NDST3: variants seen among roughly 807,000 people sequenced by gnomAD.
NDST3 encodes the protein bifunctional heparan sulfate N-deacetylase/N-sulfotransferase 3.
Under a neutral mutation model 96.1 loss-of-function variants are expected in NDST3, and 58 were observed. The observed-to-expected ratio is 0.60, with a 90% CI of 0.49 to 0.75. The LOEUF is 0.75. Ranked by LOEUF, NDST3 falls within the 30% of genes least tolerant of loss-of-function variation. The pLI, the probability that NDST3 is intolerant of heterozygous loss-of-function variation, is 0.00. For missense variants in NDST3, 788 were observed against 1,034.2 expected, an observed-to-expected ratio of 0.76 and a Z score of 3.27; for synonymous variants, 333 against 359.7, an observed-to-expected ratio of 0.93 and a Z score of 0.84.
intron 3 of NDST3, among the ~76,000 whole-genome samples, chr4:118,113,387 A>G (rs1348105473): frequency 1.3e-5 from 2 of 152,236 alleles, no homozygotes; most frequent in African/African-American, 4.8e-5. Context: ...TCATATCAGT[A>G]GAGTACTTAA....
intron 8 of NDST3, among the ~76,000 whole-genome samples, chr4:118,230,366 G>C (rs756913831): frequency 2.0e-5 from 3 of 152,098 alleles, no homozygotes; most frequent in African/African-American, 4.8e-5. Flanking sequence ...GAGAGGTCAG[G>C]AGATCGAGAC....
chr4:118,196,947 T>G (rs528253144), intron 6 of NDST3, among the ~76,000 whole-genome samples: 13 of 151,298 alleles, frequency 8.6e-5, no homozygotes, highest in African/African-American at 3.1e-4. Flanking sequence ...ATTTGAAGTT[T>G]TTTTTTTTTT....
At chr4:118,080,704 A>T (rs1727940887) in intron 2 of NDST3, among the ~76,000 whole-genome samples, 1 of 152,054 alleles carries the variant, frequency 6.6e-6, no homozygotes, top group South Asian at 2.1e-4. Context: ...TCTTCCTAGC[A>T]CAGAGTAATA....
chr4:118,060,474 T>G (rs1725806714), intron 2 of NDST3, among the ~76,000 whole-genome samples: 1 of 152,112 alleles, frequency 6.6e-6, no homozygotes, highest in Non-Finnish European at 1.5e-5. Context: ...TGAAAACAGC[T>G]CCTAGGTGAA....
At chr4:118,131,140 C>T (rs1372847841) in intron 4 of NDST3, among the ~76,000 whole-genome samples, 1 of 152,016 alleles carries the variant, frequency 6.6e-6, no homozygotes, top group Non-Finnish European at 1.5e-5. Flanking sequence ...TTCTGTTATT[C>T]CTTTGAATAA....
At chr4:118,134,726 T>C (rs1732930534) in intron 4 of NDST3, among the ~76,000 whole-genome samples, 1 of 152,192 alleles carries the variant, frequency 6.6e-6, no homozygotes, top group Admixed American at 6.5e-5. Flanking sequence ...TGAGTTCAAC[T>C]ATTAAGACTA....
chr4:118,194,495 T>C lies in NDST3; in HGVS notation c.1540-29996T>C, dbSNP rs1270430283. 9.7e-6 allele frequency: 7 copies of C among 721,704 alleles called. No individual in the cohort carries two copies. The East Asian group carries it at 1.3e-4, about 13-fold the overall frequency. The allele number at this position is 721,704 out of a possible 1,614,324, so 44.7% of individuals were successfully genotyped here. A position where few individuals can be genotyped will look rare whatever the true frequency, so the allele number is the denominator to read the frequency against. On this transcript the variant is annotated intron_variant, in intron 6 of 13. Transcript: ENST00000296499. The stretch of plus-strand genomic sequence containing the variant: ...TGCTATGGCAATGTCCCAAGCCTTG[T>C]TGACCTCCCCTTTTCCCAGGTCAAA...
At chr4:118,038,964 T>C (rs1156794414) in intron 1 of NDST3, among the ~76,000 whole-genome samples, 2 of 152,252 alleles carry the variant, frequency 1.3e-5, no homozygotes, top group African/African-American at 2.4e-5. Context: ...CACTTCCCCT[T>C]GCAGATATTG....
At chr4:118,069,964 G>A (rs1261247699) in intron 2 of NDST3, among the ~76,000 whole-genome samples, 1 of 152,052 alleles carries the variant, frequency 6.6e-6, no homozygotes, top group Non-Finnish European at 1.5e-5. Context: ...AGAGGGGGAA[G>A]GCTGATACAA....
At chr4:118,046,067 G>GA (rs1724744090) in intron 1 of NDST3, among the ~76,000 whole-genome samples, 1 of 152,094 alleles carries the variant, frequency 6.6e-6, no homozygotes, top group Admixed American at 6.6e-5. Context: ...TCTCTAGAAA[G>GA]AAAATGCTTA....
At chr4:118,245,787 ATC>A (rs1163568096) in intron 12 of NDST3, among the ~76,000 whole-genome samples, 3 of 152,198 alleles carry the variant, frequency 2.0e-5, no homozygotes, top group Admixed American at 6.5e-5. Context: ...TGTCCTATAT[ATC>A]TCTCTCTCTT....
intron 2 of NDST3, among the ~76,000 whole-genome samples, chr4:118,083,166 T>C (rs1197460930): frequency 1.3e-5 from 2 of 152,226 alleles, no homozygotes; most frequent in Non-Finnish European, 2.9e-5. Flanking sequence ...TCTTCATGAA[T>C]GTGTATTACA....
intron 6 of NDST3, among the ~76,000 whole-genome samples, chr4:118,171,786 T>C (rs994582886): frequency 6.6e-6 from 1 of 152,168 alleles, no homozygotes; most frequent in Non-Finnish European, 1.5e-5. Flanking sequence ...CTCTCTGTTT[T>C]CCAAAAGGAG....
chr4:118,127,065 T>C (rs961514609), intron 4 of NDST3, among the ~76,000 whole-genome samples: 1 of 151,934 alleles, frequency 6.6e-6, no homozygotes, highest in Non-Finnish European at 1.5e-5. Flanking sequence ...TATAGAGTTG[T>C]TTGAGTTTCT....
At chr4:118,181,406 T>C (rs1736601859) in intron 6 of NDST3, among the ~76,000 whole-genome samples, 2 of 152,040 alleles carry the variant, frequency 1.3e-5, no homozygotes, top group African/African-American at 4.8e-5. Context: ...AGATCTTGTT[T>C]TCCAAAAAGG....
At chr4:118,148,516 A>G (rs1474308729) in intron 6 of NDST3, among the ~76,000 whole-genome samples, 1 of 152,122 alleles carries the variant, frequency 6.6e-6, no homozygotes, top group Non-Finnish European at 1.5e-5. Flanking sequence ...CTCCTACTCA[A>G]ATCCCTAAAA....
chr4:118,114,909 C>A lies in NDST3; in HGVS notation c.1173C>A (p.His391Gln). ...MWSHMQPHLF[H>Q]NESSLVEQMI... is the part of the protein sequence containing the mutation. ...GCCATATGCAGCCCCACCTCTTCCA[C>A]AATGAGTCATCTTTGGTGGAGCAGA... The change falls in exon 4 of 14, where the codon CAC becomes CAA. Residue 391 changes from histidine to glutamine, a missense_variant. His to Gln is a conservative substitution (Grantham distance 24). Transcript: ENST00000296499. The A allele has an allele frequency of 6.2e-7, 1 of 1,614,092 alleles. No individual in the cohort carries two copies. The highest frequency in any genetic ancestry group is 8.5e-7 in the Non-Finnish European group (1 of 1,179,982).
intron 3 of NDST3, among the ~76,000 whole-genome samples, chr4:118,105,334 A>T (rs955144061): frequency 6.6e-6 from 1 of 152,192 alleles, no homozygotes; most frequent in African/African-American, 2.4e-5. Context: ...TAATTTACAT[A>T]TATAGAAGTA....
chr4:118,236,904 C>A, intron 9 of NDST3, 142 bp from the exon 10 acceptor site: 1 of 539,080 alleles, frequency 1.9e-6, no homozygotes, highest in Non-Finnish European at 3.0e-6. Flanking sequence ...TTTTTCTCTT[C>A]CTAACTATGG....
Sources: allele counts gnomAD v4.1 joint callset (sites outside exome capture counted in the v4.1 genomes callset), GRCh38; gene constraint gnomAD v4.1.1; transcripts MANE v1.5; gene names NCBI Gene and HGNC (gene_info 2026-07-23, HGNC 2026-07-21).